GATAD2A: variants seen among roughly 807,000 people sequenced by gnomAD.
GATAD2A encodes the protein GATA zinc finger domain containing 2A, also known as transcriptional repressor p66-alpha.
GATAD2A carries 12 observed loss-of-function variants against 68.5 expected under a neutral mutation model. That is an observed-to-expected ratio of 0.18 (90% confidence interval 0.11 to 0.28). GATAD2A has a LOEUF of 0.28. Ranked by LOEUF, GATAD2A falls within the 10% of genes least tolerant of loss-of-function variation. The probability of loss-of-function intolerance (pLI) is 1.00; values close to 1 mark genes in which losing one functional copy is unlikely to be tolerated. For missense variants in GATAD2A, 755 were observed against 868.5 expected, an observed-to-expected ratio of 0.87 and a Z score of 1.64; for synonymous variants, 410 against 375.3, an observed-to-expected ratio of 1.09 and a Z score of -1.07.
chr19:19,481,616 G>GCGCCCGGC, intron 2 of GATAD2A, among the ~76,000 whole-genome samples: 1 of 152,036 alleles, frequency 6.6e-6, no homozygotes, highest in African/African-American at 2.4e-5. Context: ...ATGAACCATC[G>GCGCCCGGC]CACCTGGCCA....
intron 1 of GATAD2A, among the ~76,000 whole-genome samples, chr19:19,464,190 A>C (rs977671508): frequency 6.6e-5 from 10 of 152,194 alleles, no homozygotes; most frequent in African/African-American, 2.4e-4. Context: ...GCTTCAGCAT[A>C]GAGCATGCCA....
intron 1 of GATAD2A, among the ~76,000 whole-genome samples, chr19:19,438,789 A>G (rs910441905): frequency 3.3e-5 from 5 of 152,314 alleles, no homozygotes; most frequent in East Asian, 1.9e-4. Flanking sequence ...CAGTCTATAA[A>G]CAGTCGTGGC....
At chr19:19,505,096 C>T (rs78010159) in intron 11 of GATAD2A, among the ~76,000 whole-genome samples, 23,957 of 152,230 alleles carry the variant, frequency 0.16, 1,995 homozygotes, top group Middle Eastern at 0.28. Context: ...TGATGATTGC[C>T]CCACACTTGG....
intron 1 of GATAD2A, among the ~76,000 whole-genome samples, chr19:19,396,126 G>C (rs1373911874): frequency 6.6e-6 from 1 of 152,136 alleles, no homozygotes; most frequent in Non-Finnish European, 1.5e-5. Context: ...TTTGAGACCA[G>C]CCTGGCCAAC....
chr19:19,492,573 C>G lies in GATAD2A; in HGVS notation c.403-8C>G. On this transcript the variant is annotated splice_region_variant and splice_polypyrimidine_tract_variant and intron_variant, in intron 3 of 11. Coordinates refer to ENST00000683918, the MANE Select transcript of GATAD2A (RefSeq NM_001384528.1). ...TCCCTCTCAACCCTGTTCCTCTCGC[C>G]CCTGCAGAAAAGCAGTCCTGAAGAA... 2.5e-6 allele frequency: 4 copies of G among 1,614,174 alleles called. No individual in the cohort carries two copies. The highest frequency in any genetic ancestry group is 2.2e-5 in the East Asian group (1 of 44,888).
rs987102170 is a variant in GATAD2A, at chr19:19,493,894, A to G, written c.535-400A>G. On this transcript the variant is annotated intron_variant, in intron 4 of 11. Transcript: ENST00000683918. ...TTCTCTACTGGAACATGCAGCTTTA[A>G]AAAGTGCCCAGAGTCACCGTTTTCT... Among the ~76,000 whole-genome samples the G allele has an allele frequency of 1.2e-4, 19 of 152,220 alleles. No individual in the cohort carries two copies. The East Asian group carries it at 2.7e-3, about 22-fold the overall frequency.
At position 19,457,102 on chromosome 19, in the gene GATAD2A, T is replaced by C. The variant is rs2057005264; in HGVS notation, c.-6-8238T>C. 5 of 985,360 alleles carry C rather than the reference T, an allele frequency of 5.1e-6. No homozygotes were observed. In the African/African-American group the frequency reaches 8.7e-5, roughly 17 times the overall value. The allele number at this position is 985,360 out of a possible 1,614,324, so 61.0% of individuals were successfully genotyped here. ...CTTCAACTCAGAGCACTCCTATCTG[T>C]GACACCTCTGCCCACGCATCCAGTA... is the stretch of plus-strand genomic sequence containing the variant. On this transcript the variant is annotated intron_variant, in intron 1 of 11. Coordinates refer to ENST00000683918, the MANE Select transcript of GATAD2A (RefSeq NM_001384528.1).
At chr19:19,478,894 C>T (rs532322438) in intron 2 of GATAD2A, among the ~76,000 whole-genome samples, 12 of 152,060 alleles carry the variant, frequency 7.9e-5, no homozygotes, top group African/African-American at 2.9e-4. Context: ...GCATAAATAA[C>T]TTATTATTAA....
At chr19:19,471,150 G>T (rs1224326385) in intron 2 of GATAD2A, among the ~76,000 whole-genome samples, 4 of 151,960 alleles carry the variant, frequency 2.6e-5, no homozygotes, top group African/African-American at 9.7e-5. Context: ...CAGCTACGTG[G>T]GAGGCTGAGG....
Position 19,430,976 on chromosome 19 carries a change from G to GGTGTGTGTGTGTGT in GATAD2A, c.-7+24986_-7+24999dup, listed in dbSNP as rs71170687. On this transcript the variant is annotated intron_variant, in intron 1 of 11. Transcript: ENST00000683918. ...GTGTTTGGGTGGGTTGTATGGTAGG[G>GGTGTGTGTGTGTGT]GTGTGTGTGTGTGTGTGTGTGTGTG... is the stretch of plus-strand genomic sequence containing the variant. Among the ~76,000 whole-genome samples, 300 of 136,760 alleles carry GGTGTGTGTGTGTGT rather than the reference G, an allele frequency of 2.2e-3. 4 individuals are homozygous for GGTGTGTGTGTGTGT. Among genetic ancestry groups the GGTGTGTGTGTGTGT allele is most frequent in the African/African-American group, 4.3e-3 (152 of 35,666 alleles). The allele number at this position is 136,760 out of a possible 152,430, so 89.7% of individuals were successfully genotyped here. A position where few individuals can be genotyped will look rare whatever the true frequency, so the allele number is the denominator to read the frequency against.
intron 2 of GATAD2A, among the ~76,000 whole-genome samples, chr19:19,470,157 T>TTA (rs1380233607): frequency 6.8e-6 from 1 of 147,214 alleles, no homozygotes; most frequent in East Asian, 2.0e-4. Context: ...TTTTTTTTGT[T>TTA]TTTTTTTTTT....
intron 1 of GATAD2A, among the ~76,000 whole-genome samples, chr19:19,423,667 C>T (rs1016820550): frequency 2.0e-4 from 30 of 152,250 alleles, no homozygotes; most frequent in Admixed American, 1.8e-3. Context: ...AAATTGAATT[C>T]TGCCTCTTAG....
intron 1 of GATAD2A, among the ~76,000 whole-genome samples, chr19:19,416,761 T>A (rs966337070): frequency 1.3e-5 from 2 of 151,996 alleles, no homozygotes; most frequent in Admixed American, 6.6e-5. Context: ...TTTTTTTTTT[T>A]AAACTTTTTT....
chr19:19,491,656 C>T lies in GATAD2A; in HGVS notation c.270-650C>T, dbSNP rs140793616. On this transcript the variant is annotated intron_variant, in intron 2 of 11. Transcript: ENST00000683918. ...CAGTTTCAAAACAGACAGCCACTGC[C>T]GCCATGTGGGGCCCAAGAAGGGCCA... Among the ~76,000 whole-genome samples the T allele has an allele frequency of 6.2e-3, 939 of 152,274 alleles. 4 individuals carry two copies. Among genetic ancestry groups the T allele is most frequent in the Middle Eastern group, 0.01 (3 of 294 alleles).
rs2060486876 is a variant in GATAD2A at position 19,500,967 on chromosome 19, C to T, written c.1205-151C>T. On this transcript the variant is annotated intron_variant, in intron 8 of 11. Transcript: ENST00000683918. ...TCTGAAGCTGTTCGGCGTTGGCCGG[C>T]CCCATGTCCACATGTCATTGGTGCC... 11 of 703,118 alleles carry T rather than the reference C, an allele frequency of 1.6e-5. 1 individual carries two copies. In the South Asian group the frequency reaches 2.0e-4, roughly 13 times the overall value. The allele number at this position is 703,118 out of a possible 1,614,324, so 43.6% of individuals were successfully genotyped here.
chr19:19,429,357 C>T (rs1484793853), intron 1 of GATAD2A: 1 of 381,170 alleles, frequency 2.6e-6, no homozygotes, highest in East Asian at 1.6e-4. Flanking sequence ...AAAGGTCTGG[C>T]ACGGGGAGTA....
chr19:19,450,851 A>T (rs2056307519), intron 1 of GATAD2A, among the ~76,000 whole-genome samples: 1 of 147,898 alleles, frequency 6.8e-6, no homozygotes, highest in Admixed American at 6.7e-5. Flanking sequence ...GCTCACTACA[A>T]CCTCCGCCTC....
chr19:19,448,840 G>T (rs568287657), intron 1 of GATAD2A, among the ~76,000 whole-genome samples: 29 of 152,228 alleles, frequency 1.9e-4, no homozygotes, highest in Admixed American at 1.6e-3. Flanking sequence ...ATCAGTTTAG[G>T]TGTGCTTTTT....
chr19:19,404,475 T>G (rs1477185918), upstream of GATAD2A, among the ~76,000 whole-genome samples: 4 of 151,748 alleles, frequency 2.6e-5, no homozygotes, highest in African/African-American at 9.7e-5. Context: ...CATCAGGAGA[T>G]GGAGACCATC....
Sources: gnomAD v4.1 joint callset for allele counts (sites outside exome capture counted in the v4.1 genomes callset) on GRCh38, gnomAD v4.1.1 for gene constraint, MANE v1.5 for transcripts, NCBI Gene and HGNC (gene_info 2026-07-23, HGNC 2026-07-21) for gene names.